Variants in RAPH1 observed in about 807,000 individuals in gnomAD.
RAPH1 encodes ras-associated and pleckstrin homology domains-containing protein 1.
RAPH1 carries 18 observed loss-of-function variants against 88.1 expected under a neutral mutation model. The observed-to-expected ratio is 0.20, with a 90% CI of 0.14 to 0.30. The LOEUF (loss-of-function observed/expected upper bound fraction) is 0.30. Ranked by LOEUF, RAPH1 falls within the 10% of genes least tolerant of loss-of-function variation. The pLI, the probability that RAPH1 is intolerant of heterozygous loss-of-function variation, is 1.00. For missense variants in RAPH1, 1,448 were observed against 1,543.2 expected, an observed-to-expected ratio of 0.94 and a Z score of 1.03; for synonymous variants, 587 against 559.0, an observed-to-expected ratio of 1.05 and a Z score of -0.71.
chr2:203,468,512 C>T (rs1021312769), intron 4 of RAPH1, among the ~76,000 whole-genome samples: 1 of 152,156 alleles, frequency 6.6e-6, no homozygotes. Flanking sequence ...ATAAAATGTA[C>T]CCCAATCTTT....
At chr2:203,442,872 C>T (rs1211537398) in intron 13 of RAPH1, 1 of 152,186 alleles carries the variant, frequency 6.6e-6, no homozygotes, top group Admixed American at 6.5e-5. Context: ...CGGATCTCAC[C>T]ATTAGTAATT....
At chr2:203,512,380 A>C (rs1051816329) in intron 1 of RAPH1, among the ~76,000 whole-genome samples, 2 of 151,552 alleles carry the variant, frequency 1.3e-5, no homozygotes, top group African/African-American at 2.4e-5. Flanking sequence ...AACCCAAAAA[A>C]CAAAAAACAA....
At chr2:203,466,977 C>A (rs2098529013) in intron 4 of RAPH1, among the ~76,000 whole-genome samples, 1 of 152,164 alleles carries the variant, frequency 6.6e-6, no homozygotes, top group African/African-American at 2.4e-5. Flanking sequence ...GGGTTCAGAA[C>A]AAACCCAGTT....
At chr2:203,442,310 G>C in intron 13 of RAPH1, 1 of 384,070 alleles carries the variant, frequency 2.6e-6, no homozygotes, top group South Asian at 7.3e-5. Context: ...TGGTGGTTCA[G>C]GTACTTTGAA....
intron 7 of RAPH1, among the ~76,000 whole-genome samples, chr2:203,458,907 C>G (rs572968550): frequency 6.6e-6 from 1 of 152,012 alleles, no homozygotes; most frequent in Non-Finnish European, 1.5e-5. Context: ...GGACTACAGG[C>G]GCCCGACACC....
intron 1 of RAPH1, among the ~76,000 whole-genome samples, chr2:203,500,435 G>A (rs145916380): frequency 6.6e-6 from 1 of 152,280 alleles, no homozygotes; most frequent in Non-Finnish European, 1.5e-5. Flanking sequence ...GGCTAGAGAG[G>A]AGGAAGCGGC....
chr2:203,468,179 A>C (rs2098530122), intron 4 of RAPH1, among the ~76,000 whole-genome samples: 1 of 152,160 alleles, frequency 6.6e-6, no homozygotes, highest in Non-Finnish European at 1.5e-5. Flanking sequence ...ATACTCAGTA[A>C]ATATTTGTTG....
chr2:203,509,259 G>A (rs1233570637), intron 1 of RAPH1, among the ~76,000 whole-genome samples: 1 of 151,610 alleles, frequency 6.6e-6, no homozygotes, highest in Non-Finnish European at 1.5e-5. Flanking sequence ...TTATAGAGAT[G>A]AGATTTTGCC....
chr2:203,501,136 G>C (rs1688722779), intron 1 of RAPH1, among the ~76,000 whole-genome samples: 1 of 151,834 alleles, frequency 6.6e-6, no homozygotes, highest in East Asian at 1.9e-4. Context: ...ACGTAAATCA[G>C]ACTAGAGAAA....
rs141560335 is a variant in RAPH1 at position 203,464,999 on chromosome 2, C to G, written c.733-3074G>C. On this transcript the variant is annotated intron_variant, in intron 4 of 13. Transcript: ENST00000319170. Reference sequence around the variant, plus strand: ...AAACACTAACACCACCAAATGCTGCCAAGGATGTGGAACAATAGGAACTCT... The same window carrying G: ...AAACACTAACACCACCAAATGCTGCGAAGGATGTGGAACAATAGGAACTCT... 5.3e-5 allele frequency among the ~76,000 whole-genome samples: 8 copies of G among 152,262 alleles called. No homozygotes were observed. In the East Asian group the frequency reaches 1.5e-3, roughly 29 times the overall value.
At chr2:203,500,800 TA>T (rs1393883238) in intron 1 of RAPH1, among the ~76,000 whole-genome samples, 1 of 152,200 alleles carries the variant, frequency 6.6e-6, no homozygotes, top group East Asian at 1.9e-4. Flanking sequence ...GAGTACTCCT[TA>T]AAACCATAAG....
chr2:203,523,168 C>A (rs1052255335), intron 1 of RAPH1, among the ~76,000 whole-genome samples: 2 of 151,432 alleles, frequency 1.3e-5, no homozygotes, highest in Middle Eastern at 3.2e-3. Context: ...CCGAGGCGGG[C>A]GGATCATGGG....
At chr2:203,522,770 C>T (rs1272930925) in intron 1 of RAPH1, among the ~76,000 whole-genome samples, 3 of 151,474 alleles carry the variant, frequency 2.0e-5, no homozygotes, top group African/African-American at 4.9e-5. Flanking sequence ...AGCATGGTGG[C>T]GGGCACCTGT....
In RAPH1 at chr2:203,441,279, A is replaced by T. The variant is rs1553618544; in HGVS notation, c.1911T>A (p.Pro637=). 14 of 239,940 alleles carry T rather than the reference A, an allele frequency of 5.8e-5. No individual in the cohort carries two copies. Among genetic ancestry groups the T allele is most frequent in the Non-Finnish European group, 7.4e-5 (12 of 163,074 alleles). The allele number at this position is 239,940 out of a possible 1,614,324, so 14.9% of individuals were successfully genotyped here. ...PLPPPPPPPP[P]PPPPPPPPPP... is the part of the protein sequence containing the mutation. ...GAGGGGGTGGTGGAGGGGGTGGTGG[A>T]GGAGGAGGTGGGGGTGGCGGAGGAG... Residue 637 remains proline, a synonymous_variant, in exon 14 of 14, where the codon CCT becomes CCA. Transcript: ENST00000319170.
rs984209962 is a variant in RAPH1, at chr2:203,465,500, C to T, written c.733-3575G>A. On this transcript the variant is annotated intron_variant, in intron 4 of 13. Coordinates refer to ENST00000319170, the MANE Select transcript of RAPH1 (RefSeq NM_213589.3). Reference sequence around the variant, plus strand: ...GGGTTAAGAAGGAGGAATGAATAGGCAGAGCACGGAGGATTTAAGGGCTGT... The same window carrying T: ...GGGTTAAGAAGGAGGAATGAATAGGTAGAGCACGGAGGATTTAAGGGCTGT... 2.9e-4 allele frequency among the ~76,000 whole-genome samples: 44 copies of T among 152,298 alleles called. No homozygotes were observed. In the East Asian group the frequency reaches 6.0e-3, roughly 21 times the overall value.
At chr2:203,524,529 T>G (rs1020331953) in intron 1 of RAPH1, among the ~76,000 whole-genome samples, 2 of 152,146 alleles carry the variant, frequency 1.3e-5, no homozygotes, top group Non-Finnish European at 2.9e-5. Context: ...TGGAATACTT[T>G]AGCAATAAAA....
intron 1 of RAPH1, among the ~76,000 whole-genome samples, chr2:203,497,064 C>G (rs1230592615): frequency 1.3e-5 from 2 of 152,150 alleles, no homozygotes; most frequent in Non-Finnish European, 2.9e-5. Flanking sequence ...GGGGTGGGGC[C>G]TTAAAGAAGT....
chr2:203,470,355 C>G (rs745721389), intron 4 of RAPH1: 1 of 1,370,252 alleles, frequency 7.3e-7, no homozygotes, highest in Non-Finnish European at 1.0e-6. Flanking sequence ...AAGGCAATAA[C>G]AGAAGTCAGT....
Position 203,506,823 on chromosome 2 carries a change from T to G in RAPH1, c.1-11470A>C, listed in dbSNP as rs1289395991. ...ATATATATCTATATCTATATATCTATATATATATCTATATCTATATATCTA... is the reference window on the plus strand; with the variant it reads ...ATATATATCTATATCTATATATCTAGATATATATCTATATCTATATATCTA... On this transcript the variant is annotated intron_variant, in intron 1 of 13. Coordinates refer to ENST00000319170, the MANE Select transcript of RAPH1 (RefSeq NM_213589.3). Among the ~76,000 whole-genome samples, 188 of 58,512 alleles carry G rather than the reference T, an allele frequency of 3.2e-3. 15 individuals are homozygous for G. The highest frequency in any genetic ancestry group is 0.013 in the African/African-American group (175 of 13,126). The allele number at this position is 58,512 out of a possible 152,430, so 38.4% of individuals were successfully genotyped here. A position where few individuals can be genotyped will look rare whatever the true frequency, so the allele number is the denominator to read the frequency against.
Sources: gnomAD v4.1 joint callset for allele counts (sites outside exome capture counted in the v4.1 genomes callset) on GRCh38, gnomAD v4.1.1 for gene constraint, MANE v1.5 for transcripts, NCBI Gene and HGNC (gene_info 2026-07-23, HGNC 2026-07-21) for gene names.